Variants in BABAM2 observed in about 807,000 individuals in gnomAD.
The protein encoded by BABAM2 is BRISC and BRCA1-A complex member 2.
A neutral mutation model predicts 54.7 loss-of-function variants in BABAM2; 31 were observed. The observed-to-expected ratio is 0.57, with a 90% confidence interval of 0.43 to 0.77. The LOEUF (loss-of-function observed/expected upper bound fraction) is 0.77. Ranked by LOEUF, BABAM2 falls within the 30% of genes least tolerant of loss-of-function variation. The pLI, the probability that BABAM2 is intolerant of heterozygous loss-of-function variation, is 0.00. For missense variants in BABAM2, 364 were observed against 455.8 expected (o/e 0.80, Z 1.83); for synonymous variants, 167 against 162.9 (o/e 1.03, Z -0.19).
intron 11 of BABAM2, chr2:28,310,424 T>C (rs1269962506): frequency 2.7e-5 from 10 of 365,740 alleles, no homozygotes; most frequent in Non-Finnish European, 5.0e-5. Context: ...CCTCCATCTG[T>C]ATTCCTTTGG....
At chr2:28,306,097 A>G (rs73925310) in intron 11 of BABAM2, among the ~76,000 whole-genome samples, 2,751 of 152,262 alleles carry the variant, frequency 0.018, 96 homozygotes, top group African/African-American at 0.062. Flanking sequence ...AACCTGTATG[A>G]TTTCAAGCCT....
chr2:28,043,255 C>T (rs1226336565), intron 5 of BABAM2, among the ~76,000 whole-genome samples: 1 of 151,520 alleles, frequency 6.6e-6, no homozygotes, highest in Non-Finnish European at 1.5e-5. Flanking sequence ...CTCAGCCGCC[C>T]CAGTAGCTGG....
At chr2:28,176,910 A>G (rs1204715016) in intron 7 of BABAM2, among the ~76,000 whole-genome samples, 2 of 151,848 alleles carry the variant, frequency 1.3e-5, no homozygotes, top group African/African-American at 2.4e-5. Flanking sequence ...GACATATGGG[A>G]CACCATAAAG....
At chr2:28,320,490 C>T (rs1689938526) in intron 11 of BABAM2, among the ~76,000 whole-genome samples, 1 of 152,256 alleles carries the variant, frequency 6.6e-6, no homozygotes, top group Non-Finnish European at 1.5e-5. Context: ...CATCTGTGCA[C>T]ATCAGGGCAG....
At chr2:27,905,095 G>C (rs1666096416) in intron 2 of BABAM2, among the ~76,000 whole-genome samples, 1 of 152,132 alleles carries the variant, frequency 6.6e-6, no homozygotes, top group African/African-American at 2.4e-5. Flanking sequence ...GTTAGATTGA[G>C]GTAGAATCAG....
intron 10 of BABAM2, among the ~76,000 whole-genome samples, chr2:28,261,298 T>C (rs1411354067): frequency 6.6e-6 from 1 of 151,816 alleles, no homozygotes; most frequent in East Asian, 1.9e-4. Context: ...TAATTGATTT[T>C]GTGTATTGAC....
At chr2:28,185,815 G>A (rs779387551) in intron 7 of BABAM2, among the ~76,000 whole-genome samples, 5 of 151,902 alleles carry the variant, frequency 3.3e-5, no homozygotes, top group Non-Finnish European at 7.4e-5. Context: ...GACTCCATCA[G>A]GCCATCTACA....
Position 28,129,681 on chromosome 2 carries a change from C to T in BABAM2, c.680+301C>T, listed in dbSNP as rs558865337. ...CTCCTTCCAGATGTTCCCTGGAGTTCGAATGGTTGTAGCCTACAGTGGGCT... is the reference window on the plus strand; with the variant it reads ...CTCCTTCCAGATGTTCCCTGGAGTTTGAATGGTTGTAGCCTACAGTGGGCT... On this transcript the variant is annotated intron_variant, in intron 7 of 11. Transcript: ENST00000379624. 3.3e-5 allele frequency among the ~76,000 whole-genome samples: 5 copies of T among 152,252 alleles called. No homozygotes were observed. The South Asian group carries it at 1.0e-3, about 32-fold the overall frequency.
At chr2:28,247,599 A>G (rs762500964) in intron 10 of BABAM2, among the ~76,000 whole-genome samples, 1 of 152,190 alleles carries the variant, frequency 6.6e-6, no homozygotes, top group Non-Finnish European at 1.5e-5. Context: ...AAAAGGAGGA[A>G]GGAAGTGCCT....
At position 28,123,582 on chromosome 2, in the gene BABAM2, C is replaced by G. The variant is rs975603205; in HGVS notation, c.571-5689C>G. ...ATGTTAGCTTCTCAGAACCATGGTA[C>G]AAGAGCTTCTTTTCTAATTTCCCAG... On this transcript the variant is annotated intron_variant, in intron 6 of 11. Coordinates refer to ENST00000379624, the MANE Select transcript of BABAM2 (RefSeq NM_199191.3). Among the ~76,000 whole-genome samples, 87 of 152,178 alleles carry G rather than the reference C, an allele frequency of 5.7e-4. 2 individuals are homozygous for G.
intron 11 of BABAM2, among the ~76,000 whole-genome samples, chr2:28,336,871 G>A (rs1459931211): frequency 6.6e-6 from 1 of 152,266 alleles, no homozygotes; most frequent in East Asian, 1.9e-4. Flanking sequence ...CGTGCTTCCT[G>A]AGCAGTTTTC....
chr2:28,305,295 T>C (rs1688430420), intron 11 of BABAM2, among the ~76,000 whole-genome samples: 1 of 152,192 alleles, frequency 6.6e-6, no homozygotes, highest in Non-Finnish European at 1.5e-5. Flanking sequence ...TCTTTTGACA[T>C]TGACATAATC....
intron 7 of BABAM2, among the ~76,000 whole-genome samples, chr2:28,190,166 G>A (rs1307400868): frequency 6.6e-6 from 1 of 152,174 alleles, no homozygotes; most frequent in African/African-American, 2.4e-5. Flanking sequence ...AGACCTAAAT[G>A]TAAGAGCTAA....
chr2:27,980,333 G>A (rs1433040715), intron 3 of BABAM2, among the ~76,000 whole-genome samples: 2 of 152,152 alleles, frequency 1.3e-5, no homozygotes, highest in Non-Finnish European at 1.5e-5. Flanking sequence ...GAAATGTGAT[G>A]TTATTGCTCT....
chr2:28,180,614 T>C (rs1675517206), intron 7 of BABAM2, among the ~76,000 whole-genome samples: 1 of 152,074 alleles, frequency 6.6e-6, no homozygotes, highest in Admixed American at 6.6e-5. Context: ...AATAGGCACA[T>C]GGGACTATAT....
chr2:28,063,901 G>A lies in BABAM2; in HGVS notation c.570+18102G>A, dbSNP rs182165146. 9.7e-4 allele frequency among the ~76,000 whole-genome samples: 148 copies of A among 152,286 alleles called. 1 individual carries two copies. The highest frequency in any genetic ancestry group is 3.4e-3 in the African/African-American group (140 of 41,558). ...TTTAAGATGAGGAAACCTAAGCTCA[G>A]AGAAGTTGAATGGGTTACCCAGGGT... On this transcript the variant is annotated intron_variant, in intron 6 of 11. Transcript: ENST00000379624.
At chr2:28,275,328 T>C (rs1013589721) in intron 10 of BABAM2, among the ~76,000 whole-genome samples, 21 of 152,238 alleles carry the variant, frequency 1.4e-4, no homozygotes, top group African/African-American at 5.1e-4. Flanking sequence ...TAGTCCACTT[T>C]GACTGAGGCT....
At chr2:28,327,958 C>A (rs1375087944) in intron 11 of BABAM2, among the ~76,000 whole-genome samples, 6 of 152,148 alleles carry the variant, frequency 3.9e-5, no homozygotes, top group Non-Finnish European at 8.8e-5. Flanking sequence ...AAGCCCACAC[C>A]CGAGAGCCAG....
chr2:28,214,019 T>G (rs1047741305), intron 7 of BABAM2, among the ~76,000 whole-genome samples: 3 of 152,168 alleles, frequency 2.0e-5, no homozygotes, highest in Non-Finnish European at 2.9e-5. Flanking sequence ...CAGAGTCTTA[T>G]GCATCCTTCA....
Sources: gnomAD v4.1 joint callset for allele counts (sites outside exome capture counted in the v4.1 genomes callset) on GRCh38, gnomAD v4.1.1 for gene constraint, MANE v1.5 for transcripts, NCBI Gene and HGNC (gene_info 2026-07-23, HGNC 2026-07-21) for gene names.